IMMP2L: variants seen among roughly 807,000 people sequenced by gnomAD.
IMMP2L encodes inner mitochondrial membrane peptidase subunit 2.
A neutral mutation model predicts 19.3 loss-of-function variants in IMMP2L; 18 were observed. That is an observed-to-expected ratio of 0.93 (90% CI 0.64 to 1.38). The LOEUF is 1.38. Ranked by LOEUF, IMMP2L falls within the 40% of genes most tolerant of loss-of-function variation. The pLI, the probability that IMMP2L is intolerant of heterozygous loss-of-function variation, is 0.00. For missense variants in IMMP2L, 233 were observed against 218.2 expected (o/e 1.07, Z -0.43); for synonymous variants, 76 against 73.0 (o/e 1.04, Z -0.21).
At chr7:110,829,777 A>G (rs1321829431) in intron 5 of IMMP2L, among the ~76,000 whole-genome samples, 1 of 152,170 alleles carries the variant, frequency 6.6e-6, no homozygotes, top group Non-Finnish European at 1.5e-5. Context: ...CTCTTTTTAA[A>G]ATATGTATAA....
rs1217515963 is a variant in IMMP2L, at chr7:110,757,474, T to C, written c.409-93753A>G. Among the ~76,000 whole-genome samples, 3 of 152,100 alleles carry C rather than the reference T, an allele frequency of 2.0e-5. No homozygotes were observed. The East Asian group carries it at 5.8e-4, about 29-fold the overall frequency. ...CCAGATACGCTCTCCACATTTCTCT[T>C]GAACTCTTTGTCCCAGGAGGTTATG... On this transcript the variant is annotated intron_variant, in intron 5 of 5. Coordinates refer to ENST00000405709, the MANE Select transcript of IMMP2L (RefSeq NM_032549.4). This position sits in a 1 kb window ranked among gnomAD's most constrained non-coding sequence, Gnocchi z 4.2.
chr7:111,232,432 T>G (rs569151168), intron 3 of IMMP2L, among the ~76,000 whole-genome samples: 5 of 151,496 alleles, frequency 3.3e-5, no homozygotes, highest in Admixed American at 2.0e-4. Context: ...AGTCATAACC[T>G]GCAATGAACC....
chr7:111,344,830 G>A lies in IMMP2L; in HGVS notation c.239+142408C>T, dbSNP rs534889536. ...CTTAGGAAGGACAAACAGGAGAATG[G>A]AGGAAAAGAAGATAAAACACTGGAG... On this transcript the variant is annotated intron_variant, in intron 3 of 5. Coordinates refer to ENST00000405709, the MANE Select transcript of IMMP2L (RefSeq NM_032549.4). Among the ~76,000 whole-genome samples the A allele has an allele frequency of 1.0e-3, 157 of 152,238 alleles. 1 individual carries two copies. The highest frequency in any genetic ancestry group is 3.5e-3 in the African/African-American group (146 of 41,548).
intron 5 of IMMP2L, among the ~76,000 whole-genome samples, chr7:110,705,347 G>A (rs910729264): frequency 1.3e-5 from 2 of 152,116 alleles, no homozygotes; most frequent in Admixed American, 1.3e-4. Context: ...AAAAAACAAT[G>A]TGCAACTTTA....
intron 3 of IMMP2L, among the ~76,000 whole-genome samples, chr7:111,264,066 T>C (rs1288527647): frequency 6.6e-6 from 1 of 152,296 alleles, no homozygotes; most frequent in Admixed American, 6.5e-5. Flanking sequence ...AGTACAGTTA[T>C]AATACTCCAT....
intron 5 of IMMP2L, among the ~76,000 whole-genome samples, chr7:110,761,391 T>C (rs140825779): frequency 1.8e-4 from 27 of 152,206 alleles, no homozygotes; most frequent in African/African-American, 6.0e-4. Context: ...TCAACCTAGA[T>C]TCGATATAGT....
intron 5 of IMMP2L, among the ~76,000 whole-genome samples, chr7:110,681,994 A>G (rs1792756200): frequency 6.6e-6 from 1 of 152,196 alleles, no homozygotes; most frequent in Admixed American, 6.5e-5. Flanking sequence ...TAGGAAAAGA[A>G]GAAAGAAAAA....
intron 3 of IMMP2L, among the ~76,000 whole-genome samples, chr7:111,486,232 A>G (rs1842644234): frequency 6.6e-6 from 1 of 152,188 alleles, no homozygotes; most frequent in Non-Finnish European, 1.5e-5. Context: ...TATGTTTTCA[A>G]ATGAATACTG....
chr7:110,787,005 T>C (rs1278531110), intron 5 of IMMP2L, among the ~76,000 whole-genome samples: 1 of 152,018 alleles, frequency 6.6e-6, no homozygotes, highest in Non-Finnish European at 1.5e-5. Flanking sequence ...CTTTTCTTGC[T>C]GTGAAATTAC....
In IMMP2L at chr7:111,408,705, ACT is replaced by A. The variant is rs530312352; in HGVS notation, c.239+78531_239+78532del. Among the ~76,000 whole-genome samples the A allele has an allele frequency of 1.1e-3, 160 of 151,768 alleles. 1 individual carries two copies. Among genetic ancestry groups the A allele is most frequent in the Non-Finnish European group, 1.3e-3 (90 of 67,870 alleles). On this transcript the variant is annotated intron_variant, in intron 3 of 5. Coordinates refer to ENST00000405709, the MANE Select transcript of IMMP2L (RefSeq NM_032549.4). ...CTTCTCATGTATCTACCAATAAAAC[ACT>A]CTCAAATTTACAGATACCCCTAGAA... is the stretch of plus-strand genomic sequence containing the variant.
intron 5 of IMMP2L, among the ~76,000 whole-genome samples, chr7:110,769,312 C>A (rs1323285296): frequency 1.3e-5 from 2 of 152,272 alleles, no homozygotes; most frequent in Non-Finnish European, 2.9e-5. Context: ...ATTCATCTGG[C>A]ATAACAGGAA....
chr7:111,082,610 C>G (rs1795976751), intron 3 of IMMP2L, among the ~76,000 whole-genome samples: 1 of 152,076 alleles, frequency 6.6e-6, no homozygotes, highest in African/African-American at 2.4e-5. Flanking sequence ...TCAGCACAGC[C>G]CCTTCAGACA....
At chr7:110,699,920 A>C in intron 5 of IMMP2L, among the ~76,000 whole-genome samples, 1 of 152,132 alleles carries the variant, frequency 6.6e-6, no homozygotes, top group South Asian at 2.1e-4. Context: ...TAAAGACCTA[A>C]AGGCAGTCTC....
At chr7:111,470,882 AAAAT>A (rs892798761) in intron 3 of IMMP2L, among the ~76,000 whole-genome samples, 10 of 151,278 alleles carry the variant, frequency 6.6e-5, no homozygotes, top group South Asian at 2.1e-4. Context: ...TAATAATAAT[AAAAT>A]AAATAAATAA....
intron 5 of IMMP2L, among the ~76,000 whole-genome samples, chr7:110,820,460 G>A (rs969278104): frequency 7.2e-5 from 11 of 151,854 alleles, no homozygotes; most frequent in South Asian, 4.2e-4. Context: ...ATGGAATATC[G>A]GTGTTTTGTT....
At chr7:111,180,556 C>T (rs1301587526) in intron 3 of IMMP2L, among the ~76,000 whole-genome samples, 2 of 152,000 alleles carry the variant, frequency 1.3e-5, no homozygotes, top group Non-Finnish European at 2.9e-5. Flanking sequence ...GTTTGAAACA[C>T]TGCAAGAATT....
chr7:111,223,290 A>G (rs985271822), intron 3 of IMMP2L, among the ~76,000 whole-genome samples: 4 of 151,932 alleles, frequency 2.6e-5, no homozygotes, highest in Non-Finnish European at 5.9e-5. Context: ...AGAAAGGCAG[A>G]GCTAGAAAAA....
chr7:110,717,192 T>C (rs1317593897), intron 5 of IMMP2L, among the ~76,000 whole-genome samples: 2 of 152,068 alleles, frequency 1.3e-5, no homozygotes, highest in Admixed American at 1.3e-4. Flanking sequence ...AAAACACAAC[T>C]CAAGCCGGGC....
At chr7:111,031,381 GGTGTGT>G (rs1554496351) in intron 3 of IMMP2L, among the ~76,000 whole-genome samples, 1 of 72,588 alleles carries the variant, frequency 1.4e-5, no homozygotes, top group African/African-American at 7.6e-5. Context: ...GGGGTGTAGG[GGTGTGT>G]GTGTGTGTGT....
Sources: allele counts gnomAD v4.1 joint callset (sites outside exome capture counted in the v4.1 genomes callset), GRCh38; gene constraint gnomAD v4.1.1; non-coding constraint Gnocchi (gnomAD v3.1); transcripts MANE v1.5; gene names NCBI Gene and HGNC (gene_info 2026-07-23, HGNC 2026-07-21).